Variants in CAPS2 observed in about 807,000 individuals in gnomAD.
CAPS2 encodes calcyphosin-2.
A neutral mutation model predicts 86.5 loss-of-function variants in CAPS2; 98 were observed. That is an observed-to-expected ratio of 1.13 (90% CI 0.96 to 1.34). CAPS2 has a LOEUF of 1.34. CAPS2 is among the 40% of genes most tolerant of loss of function. CAPS2 has a pLI of 0.00. For missense variants in CAPS2, 729 were observed against 686.8 expected (o/e 1.06, Z -0.69); for synonymous variants, 210 against 225.1 (o/e 0.93, Z 0.60).
At chr12:75,324,524 A>T (rs145486460) in intron 2 of CAPS2, among the ~76,000 whole-genome samples, 1 of 152,184 alleles carries the variant, frequency 6.6e-6, no homozygotes, top group African/African-American at 2.4e-5. Flanking sequence ...ATTGTTACTT[A>T]CTCGATATCT....
downstream of CAPS2, chr12:75,277,124 C>T (rs1230117791): frequency 3.1e-6 from 3 of 982,896 alleles, no homozygotes; most frequent in African/African-American, 3.5e-5. Flanking sequence ...CAAATAACCA[C>T]ATGTGAATGC....
At chr12:75,386,224 G>T (rs2045283489) in intron 1 of CAPS2, among the ~76,000 whole-genome samples, 1 of 152,146 alleles carries the variant, frequency 6.6e-6, no homozygotes, top group African/African-American at 2.4e-5. Context: ...GAAGAACAAG[G>T]TTGCAGGACT....
intron 1 of CAPS2, among the ~76,000 whole-genome samples, chr12:75,336,798 T>C (rs2041765432): frequency 6.6e-6 from 1 of 151,812 alleles, no homozygotes; most frequent in South Asian, 2.1e-4. Context: ...CATTAAACAA[T>C]TTATACCACA....
chr12:75,325,806 GA>G (rs1381699860), intron 1 of CAPS2, among the ~76,000 whole-genome samples: 1 of 152,004 alleles, frequency 6.6e-6, no homozygotes, highest in African/African-American at 2.4e-5. Context: ...TCCAGAGTGT[GA>G]GGGGGGGTAG....
chr12:75,286,192 T>G (rs568396233), intron 14 of CAPS2, among the ~76,000 whole-genome samples: 1 of 151,986 alleles, frequency 6.6e-6, no homozygotes, highest in African/African-American at 2.4e-5. Flanking sequence ...TCCCTCCTAT[T>G]TTTTTCAAAT....
At chr12:75,368,263 T>C (rs2044121585) in intron 1 of CAPS2, among the ~76,000 whole-genome samples, 1 of 151,640 alleles carries the variant, frequency 6.6e-6, no homozygotes, top group Non-Finnish European at 1.5e-5. Flanking sequence ...TTTACAATTT[T>C]TTGCATTTAT....
At chr12:75,384,268 T>C (rs892694548) in intron 1 of CAPS2, among the ~76,000 whole-genome samples, 5 of 152,032 alleles carry the variant, frequency 3.3e-5, no homozygotes, top group Non-Finnish European at 5.9e-5. Context: ...CTAGCCAAGC[T>C]AACAGGAAAA....
intron 7 of CAPS2, among the ~76,000 whole-genome samples, chr12:75,309,079 G>C (rs753857632): frequency 1.3e-5 from 2 of 151,982 alleles, no homozygotes; most frequent in African/African-American, 4.8e-5. Flanking sequence ...TGCATATCAC[G>C]CATGTACTTA....
At chr12:75,337,752 T>C (rs2041836128) in intron 1 of CAPS2, among the ~76,000 whole-genome samples, 1 of 152,068 alleles carries the variant, frequency 6.6e-6, no homozygotes, top group East Asian at 1.9e-4. Context: ...TCTTATAAAG[T>C]AACATTAAAT....
chr12:75,369,448 A>G (rs1181220199), intron 1 of CAPS2: 7 of 886,766 alleles, frequency 7.9e-6, no homozygotes, highest in African/African-American at 1.8e-5. Flanking sequence ...AGAAGGTCAA[A>G]AAAATTAATT....
At chr12:75,293,249 T>C (rs1179067703) in exon 12 of CAPS2, 20 of 1,565,856 alleles carry the variant, frequency 1.3e-5, no homozygotes, top group Non-Finnish European at 1.7e-5. Context: ...TTTAACTTAC[T>C]TGAGAGAATC....
intron 1 of CAPS2, among the ~76,000 whole-genome samples, chr12:75,352,796 T>A (rs2139459375): frequency 6.6e-6 from 1 of 151,918 alleles, no homozygotes; most frequent in South Asian, 2.1e-4. Flanking sequence ...ATCATAACAG[T>A]CTCTCAGAAC....
At chr12:75,339,084 A>C (rs753060355) in intron 1 of CAPS2, among the ~76,000 whole-genome samples, 1 of 152,174 alleles carries the variant, frequency 6.6e-6, no homozygotes, top group Non-Finnish European at 1.5e-5. Flanking sequence ...TATGCTTATA[A>C]TAGAATGATC....
chr12:75,297,982 T>A (rs1048175808), intron 11 of CAPS2, among the ~76,000 whole-genome samples: 2 of 152,138 alleles, frequency 1.3e-5, no homozygotes, highest in Admixed American at 6.5e-5. Context: ...CTGGCCCTCT[T>A]ATCTATCTGT....
At chr12:75,369,576 T>C (rs1264969586) in intron 1 of CAPS2, 2 of 984,524 alleles carry the variant, frequency 2.0e-6, no homozygotes, top group African/African-American at 3.5e-5. Context: ...GTAAGGACCA[T>C]TACAGAAATG....
chr12:75,369,872 T>C lies in CAPS2; in HGVS notation c.-395+20966A>G, dbSNP rs1046112121. 3.7e-6 allele frequency: 5 copies of C among 1,333,474 alleles called. No homozygotes were observed. In the African/African-American group the frequency reaches 7.4e-5, roughly 20 times the overall value. The allele number at this position is 1,333,474 out of a possible 1,614,324, so 82.6% of individuals were successfully genotyped here. Reference sequence around the variant, plus strand: ...AGTCAAACTAATTTTTGTTAGTTGATTGTCTTATTCTAAAAGCCATAAAAG... The same window carrying C: ...AGTCAAACTAATTTTTGTTAGTTGACTGTCTTATTCTAAAAGCCATAAAAG... On this transcript the variant is annotated intron_variant, in intron 1 of 5. Transcript: ENST00000551829.
chr12:75,343,962 A>G (rs762272047), intron 1 of CAPS2: 1 of 1,546,854 alleles, frequency 6.5e-7, no homozygotes, highest in South Asian at 1.2e-5. Flanking sequence ...ATCTTTATTG[A>G]TTAGTTCTTA....
intron 1 of CAPS2, chr12:75,371,511 C>T (rs530876453): frequency 3.1e-6 from 1 of 325,334 alleles, no homozygotes; most frequent in South Asian, 2.4e-5. Context: ...TATTAACCAT[C>T]ACAAGTCCAC....
chr12:75,317,019 T>G (rs1201175081), intron 5 of CAPS2, among the ~76,000 whole-genome samples: 1 of 152,144 alleles, frequency 6.6e-6, no homozygotes, highest in East Asian at 1.9e-4. Context: ...GATTATAAGA[T>G]TTCTTCCCCC....
Sources: gnomAD v4.1 joint callset for allele counts (sites outside exome capture counted in the v4.1 genomes callset) on GRCh38, gnomAD v4.1.1 for gene constraint, MANE v1.5 for transcripts, NCBI Gene and HGNC (gene_info 2026-07-23, HGNC 2026-07-21) for gene names.